The following GATA6 variants were observed in gnomAD, a reference collection of about 807,000 sequenced individuals.
GATA6 encodes transcription factor GATA-6.
GATA6 carries 11 observed loss-of-function variants against 48.1 expected under a neutral mutation model. The observed-to-expected ratio is 0.23, with a 90% CI of 0.14 to 0.38. The LOEUF is 0.38. Ranked by LOEUF, GATA6 falls within the 10% of genes least tolerant of loss-of-function variation. The pLI is 1.00. For missense variants in GATA6, 795 were observed against 850.3 expected (o/e 0.93, Z 0.81); for synonymous variants, 419 against 396.1 (o/e 1.06, Z -0.69).
chr18:22,173,339 T>G (rs748441501), intron 2 of GATA6, among the ~76,000 whole-genome samples: 1 of 152,240 alleles, frequency 6.6e-6, no homozygotes, highest in Middle Eastern at 3.4e-3. Context: ...TATTGTAGTT[T>G]GTTTGAGGGG....
chr18:22,186,233 T>C (rs927610452), intron 6 of GATA6, among the ~76,000 whole-genome samples: 2 of 152,110 alleles, frequency 1.3e-5, no homozygotes, highest in Non-Finnish European at 2.9e-5. Context: ...CCTCGTTTGA[T>C]GGGGCCACGG....
intron 6 of GATA6, among the ~76,000 whole-genome samples, chr18:22,191,803 C>CA (rs1390416917): frequency 6.6e-6 from 1 of 152,188 alleles, no homozygotes; most frequent in East Asian, 1.9e-4. Context: ...TTATTGACCT[C>CA]ATATTTTAAG....
chr18:22,185,989 T>C lies in GATA6; in HGVS notation c.1620+2946T>C, dbSNP rs2033258496. 6.6e-6 allele frequency among the ~76,000 whole-genome samples: 1 copy of C among 152,196 alleles called. No homozygotes were observed. The highest frequency in any genetic ancestry group is 2.1e-4 in the South Asian group (1 of 4,830). On this transcript the variant is annotated intron_variant, in intron 6 of 6. Transcript: ENST00000269216. This position sits in a 1 kb window ranked among gnomAD's most constrained non-coding sequence, Gnocchi z 4.3. ...CCATTTTGGTCACAGTGCATAATGTTAGAGGGCAGCTGGCTTTGTGACTGA... is the reference window on the plus strand; with the variant it reads ...CCATTTTGGTCACAGTGCATAATGTCAGAGGGCAGCTGGCTTTGTGACTGA...
rs542017111 is a variant in GATA6, at chr18:22,171,507, C to A, written c.363C>A (p.Ala121=). Residue 121 remains alanine (A), a synonymous_variant, in exon 2 of 7, where the codon GCC becomes GCA. Transcript: ENST00000269216. This position sits in a 1 kb window ranked among gnomAD's most constrained non-coding sequence, Gnocchi z 7.1. The stretch of plus-strand genomic sequence containing the variant: ...TGCTGTTCACTGACCTCGACCAAGC[C>A]GCGACCGCCAGCAAGCTGCTGTGGT... The part of the protein sequence containing the change: ...DLLLFTDLDQ[A]ATASKLLWSS... 2.5e-6 allele frequency: 4 copies of A among 1,602,942 alleles called. No homozygotes were observed. The East Asian group carries it at 6.7e-5, about 27-fold the overall frequency.
chr18:22,174,654 C>T (rs781557787), intron 2 of GATA6, among the ~76,000 whole-genome samples: 1 of 151,774 alleles, frequency 6.6e-6, no homozygotes, highest in East Asian at 1.9e-4. Context: ...GGGTGGGGAG[C>T]GAGTGACCCT....
In GATA6 at chr18:22,200,964, C is replaced by T; in HGVS notation, c.*141C>T. ...CCTTTATTTTGAAAGAGATGTTTTTCCCAAGAGGCTTGCTGAAAGAGTGAG... is the reference window on the plus strand; with the variant it reads ...CCTTTATTTTGAAAGAGATGTTTTTTCCAAGAGGCTTGCTGAAAGAGTGAG... On this transcript the variant is annotated 3_prime_UTR_variant, in exon 7 of 7. Coordinates refer to ENST00000269216, the MANE Select transcript of GATA6 (RefSeq NM_005257.6). The T allele has an allele frequency of 1.0e-6, 1 of 995,056 alleles. No homozygotes were observed. The highest frequency in any genetic ancestry group is 1.5e-6 in the Non-Finnish European group (1 of 685,108). The allele number at this position is 995,056 out of a possible 1,614,324, so 61.6% of individuals were successfully genotyped here. A position where few individuals can be genotyped will look rare whatever the true frequency, so the allele number is the denominator to read the frequency against.
At chr18:22,178,118 C>T (rs1322380310) in intron 3 of GATA6, among the ~76,000 whole-genome samples, 2 of 151,846 alleles carry the variant, frequency 1.3e-5, no homozygotes, top group Non-Finnish European at 2.9e-5. Flanking sequence ...TGTGCCACCA[C>T]GCCCGGCTCA....
chr18:22,197,615 G>A (rs1000781347), intron 6 of GATA6, among the ~76,000 whole-genome samples: 10 of 152,066 alleles, frequency 6.6e-5, no homozygotes, highest in African/African-American at 2.2e-4. Context: ...TTCCCTTTAC[G>A]GAATGTTTAA....
At position 22,171,511 on chromosome 18, in the gene GATA6, A is replaced by G. The variant is rs1194141406; in HGVS notation, c.367A>G (p.Thr123Ala). 1.6e-5 allele frequency: 26 copies of G among 1,602,942 alleles called. No homozygotes were observed. The highest frequency in any genetic ancestry group is 8.3e-5 in the Admixed American group (5 of 59,982). ...LLFTDLDQAATASKLLWSSRG... is the reference protein window; with the variant it reads ...LLFTDLDQAAAASKLLWSSRG... ...GTTCACTGACCTCGACCAAGCCGCG[A>G]CCGCCAGCAAGCTGCTGTGGTCCAG... Residue 123 changes from threonine (T) to alanine (A), a missense_variant, in exon 2 of 7, where the codon ACC (threonine) becomes GCC (alanine). Thr to Ala is a moderately conservative substitution (Grantham distance 58, BLOSUM62 0). This residue lies in a region of GATA6 where 591 missense variants were observed against 570.0 expected (regional missense o/e 1.04). Coordinates refer to ENST00000269216, the MANE Select transcript of GATA6 (RefSeq NM_005257.6). The surrounding 1 kb of genome is among the most constrained non-coding windows in gnomAD (Gnocchi z 7.1).
intron 6 of GATA6, among the ~76,000 whole-genome samples, chr18:22,198,483 C>T (rs954767330): frequency 6.6e-6 from 1 of 152,170 alleles, no homozygotes; most frequent in Non-Finnish European, 1.5e-5. Flanking sequence ...GGAACCCTCT[C>T]CATTTCAGAA....
chr18:22,170,322 G>A lies in GATA6; in HGVS notation c.-38+640G>A, dbSNP rs1222178588. On this transcript the variant is annotated intron_variant, in intron 1 of 6. Transcript: ENST00000269216. This position sits in a 1 kb window ranked among gnomAD's most constrained non-coding sequence, Gnocchi z 6.7. The stretch of plus-strand genomic sequence containing the variant: ...CGGGTGGCCCGGCCGGCGTGAGCGC[G>A]CACGCTGGTGGCTGCAGGCGCGGGC... Among the ~76,000 whole-genome samples the A allele has an allele frequency of 6.6e-6, 1 of 152,202 alleles. No individual in the cohort carries two copies. The highest frequency in any genetic ancestry group is 1.9e-4 in the East Asian group (1 of 5,172).
rs892123679 is a variant in GATA6, at chr18:22,185,552, C to T, written c.1620+2509C>T. ...GGGTTGCTGGCCTGCCTACCAACCT[C>T]CCCAGTTCCCCAGGGACTGACTCTT... is the stretch of plus-strand genomic sequence containing the variant. On this transcript the variant is annotated intron_variant, in intron 6 of 6. Coordinates refer to ENST00000269216, the MANE Select transcript of GATA6 (RefSeq NM_005257.6). This position sits in a 1 kb window ranked among gnomAD's most constrained non-coding sequence, Gnocchi z 4.3. 7.2e-5 allele frequency among the ~76,000 whole-genome samples: 11 copies of T among 152,254 alleles called. No individual in the cohort carries two copies. Among genetic ancestry groups the T allele is most frequent in the African/African-American group, 2.7e-4 (11 of 41,478 alleles).
Position 22,200,833 on chromosome 18 carries a change from G to T in GATA6, c.*10G>T. 1.2e-6 allele frequency: 2 copies of T among 1,604,220 alleles called. No homozygotes were observed. The highest frequency in any genetic ancestry group is 1.3e-5 in the African/African-American group (1 of 74,852). On this transcript the variant is annotated 3_prime_UTR_variant, in exon 7 of 7. Transcript: ENST00000269216. ...CCTGGCCCTGGCCTGAGCCCACGCC[G>T]CCAGGAGGCAGGGAGGGCTCCGCCG...
Position 22,177,049 on chromosome 18 carries a change from G to A in GATA6, c.1230G>A (p.Leu410=). The change falls in exon 3 of 7, where the codon CTG becomes CTA. Residue 410 remains leucine, a synonymous_variant. Transcript: ENST00000269216. ...GGCGGGACGGCACCGGCCACTACCTGTGCAACGCCTGCGGGCTCTACAGCA... is the reference window on the plus strand; with the variant it reads ...GGCGGGACGGCACCGGCCACTACCTATGCAACGCCTGCGGGCTCTACAGCA... The part of the protein sequence containing the change: ...LWRRDGTGHY[L]CNACGLYSKM... The A allele has an allele frequency of 1.3e-6, 2 of 1,577,682 alleles. No homozygotes were observed. The highest frequency in any genetic ancestry group is 1.7e-6 in the Non-Finnish European group (2 of 1,163,396).
chr18:22,176,942 G>A lies in GATA6; in HGVS notation c.1136-13G>A, dbSNP rs1205832503. On this transcript the variant is annotated splice_polypyrimidine_tract_variant and intron_variant, in intron 2 of 6. Coordinates refer to ENST00000269216, the MANE Select transcript of GATA6 (RefSeq NM_005257.6). Reference sequence around the variant, plus strand: ...GCGCCCACTCCCGCCCTCACGCACCGCTGTCGCCGCAGACCTGCTGGAGGA... The same window carrying A: ...GCGCCCACTCCCGCCCTCACGCACCACTGTCGCCGCAGACCTGCTGGAGGA... 1.3e-6 allele frequency: 2 copies of A among 1,540,262 alleles called. No homozygotes were observed. Among genetic ancestry groups the A allele is most frequent in the East Asian group, 2.5e-5 (1 of 40,662 alleles).
intron 6 of GATA6, among the ~76,000 whole-genome samples, chr18:22,188,520 G>T (rs112282736): frequency 6.6e-6 from 1 of 152,176 alleles, no homozygotes; most frequent in Non-Finnish European, 1.5e-5. Flanking sequence ...TGGAGTGTAG[G>T]GGGTAAGAAG....
rs2143278240 is a variant in GATA6 at position 22,172,112 on chromosome 18, A to T, written c.968A>T (p.Tyr323Phe). 3.6e-6 allele frequency: 4 copies of T among 1,117,674 alleles called. No homozygotes were observed. Among genetic ancestry groups the T allele is most frequent in the Non-Finnish European group, 3.4e-6 (3 of 880,696 alleles). The allele number at this position is 1,117,674 out of a possible 1,614,324, so 69.2% of individuals were successfully genotyped here. A position where few individuals can be genotyped will look rare whatever the true frequency, so the allele number is the denominator to read the frequency against. ...GCCGCGCGGCCGCTGAACGGGACGT[A>T]CCACCACCACCACCACCACCACCAC... Reference protein sequence around the residue: ...LSAARPLNGTYHHHHHHHHHH... With the variant: ...LSAARPLNGTFHHHHHHHHHH... The change falls in exon 2 of 7, where the codon TAC becomes TTC. Residue 323 changes from tyrosine (Y) to phenylalanine (F), a missense_variant. Coordinates refer to ENST00000269216, the MANE Select transcript of GATA6 (RefSeq NM_005257.6). This position sits in a 1 kb window ranked among gnomAD's most constrained non-coding sequence, Gnocchi z 5.2.
intron 6 of GATA6, among the ~76,000 whole-genome samples, chr18:22,193,235 C>A (rs1598741313): frequency 6.6e-6 from 1 of 152,188 alleles, no homozygotes; most frequent in South Asian, 2.1e-4. Context: ...TCGAGAGTTT[C>A]ATTGTGATTG....
intron 6 of GATA6, among the ~76,000 whole-genome samples, chr18:22,190,598 A>G (rs1298020623): frequency 6.6e-6 from 1 of 152,028 alleles, no homozygotes; most frequent in African/African-American, 2.4e-5. Flanking sequence ...TCTGTGAGAG[A>G]GTTATGTGGT....
Sources: gnomAD v4.1 joint callset for allele counts (sites outside exome capture counted in the v4.1 genomes callset) on GRCh38, gnomAD v4.1.1 for gene constraint, gnomAD v4.1.1 regional missense constraint, Gnocchi (gnomAD v3.1) non-coding constraint, MANE v1.5 for transcripts, NCBI Gene and HGNC (gene_info 2026-07-23, HGNC 2026-07-21) for gene names.